DAOA: variants seen among roughly 807,000 people sequenced by gnomAD.
The protein encoded by DAOA is D-amino acid oxidase activator, also known as D-amino acid oxidase regulator.
In DAOA, 15 loss-of-function variants were observed where a neutral mutation model predicts 16.4. That is an observed-to-expected ratio of 0.91 (90% confidence interval 0.61 to 1.41). The LOEUF is 1.41. Among genes scored for constraint, DAOA ranks in the 40% most tolerant of loss-of-function variants. DAOA has a pLI of 0.00. For missense variants in DAOA, 230 were observed against 176.8 expected, an observed-to-expected ratio of 1.30 and a Z score of -1.71; for synonymous variants, 75 against 59.1, an observed-to-expected ratio of 1.27 and a Z score of -1.23.
At chr13:105,470,566 C>T (rs1462651315) in intron 3 of DAOA, among the ~76,000 whole-genome samples, 1 of 152,050 alleles carries the variant, frequency 6.6e-6, no homozygotes, top group Admixed American at 6.5e-5. Flanking sequence ...TAAAGCAGCT[C>T]ACCCATGTAC....
intron 4 of DAOA, among the ~76,000 whole-genome samples, chr13:105,482,016 A>C (rs934888413): frequency 6.6e-6 from 1 of 152,184 alleles, no homozygotes; most frequent in East Asian, 1.9e-4. Context: ...AAAGGGACTT[A>C]TATGGCAGCA....
intron 4 of DAOA, among the ~76,000 whole-genome samples, chr13:105,486,019 C>T (rs577346556): frequency 6.6e-6 from 1 of 152,308 alleles, no homozygotes; most frequent in Admixed American, 6.5e-5. Flanking sequence ...ACAAGAGCCA[C>T]TTCAGCTCCT....
intron 3 of DAOA, among the ~76,000 whole-genome samples, chr13:105,471,943 C>T (rs1273484856): frequency 6.6e-6 from 1 of 152,200 alleles, no homozygotes; most frequent in East Asian, 1.9e-4. Context: ...TTCCCACATT[C>T]ACTATCACAC....
intron 4 of DAOA, among the ~76,000 whole-genome samples, chr13:105,487,160 T>G (rs1039967757): frequency 2.0e-5 from 3 of 152,144 alleles, no homozygotes; most frequent in African/African-American, 7.2e-5. Flanking sequence ...CAGCTGGTTT[T>G]GAAAATACCC....
intron 4 of DAOA, among the ~76,000 whole-genome samples, chr13:105,487,124 G>A (rs1251949793): frequency 6.6e-6 from 1 of 152,176 alleles, no homozygotes; most frequent in African/African-American, 2.4e-5. Context: ...AAAGCCAGCA[G>A]AGGGTAGAGA....
At chr13:105,490,681 A>G (rs1335050861) in intron 5 of DAOA, 2 of 152,108 alleles carry the variant, frequency 1.3e-5, no homozygotes, top group Non-Finnish European at 2.9e-5. Context: ...TTCCTCTGGA[A>G]ATATGTATTT....
At chr13:105,465,924 T>C (rs1232873624), upstream of DAOA, 1 of 181,510 alleles carries the variant, frequency 5.5e-6, no homozygotes, top group Non-Finnish European at 1.1e-5. Context: ...CTCACAATAA[T>C]TTAATATTTT....
At chr13:105,467,197 C>T (rs1203300983) in intron 3 of DAOA, 56 bp downstream of exon 3, 75 of 1,496,266 alleles carry the variant, frequency 5.0e-5, no homozygotes, top group Non-Finnish European at 6.7e-5. Context: ...TTAGATAAAA[C>T]TGTGGTAAAG....
rs72549479 is a variant in DAOA at position 105,472,693 on chromosome 13, T to C, written c.281+8T>C. On this transcript the variant is annotated splice_region_variant and intron_variant, in intron 4 of 5. Transcript: ENST00000375936. Reference sequence around the variant, plus strand: ...TCCTCAGCCCTATGCAGAGTATGTATCTTCTTCATTTTAAACTTTTAACCA... The same window carrying C: ...TCCTCAGCCCTATGCAGAGTATGTACCTTCTTCATTTTAAACTTTTAACCA... The C allele has an allele frequency of 6.8e-4, 1,088 of 1,591,120 alleles. 10 individuals carry two copies. The African/African-American group carries it at 0.013, about 19-fold the overall frequency.
intron 3 of DAOA, among the ~76,000 whole-genome samples, chr13:105,468,732 G>A (rs779158450): frequency 2.0e-5 from 3 of 152,208 alleles, no homozygotes; most frequent in African/African-American, 2.4e-5. Flanking sequence ...ACAAAGCTAA[G>A]AATGTTGGAA....
rs190918886 is a variant in DAOA, at chr13:105,480,950, A to G, written c.281+8265A>G. 7.9e-5 allele frequency among the ~76,000 whole-genome samples: 12 copies of G among 152,306 alleles called. No individual in the cohort carries two copies. The South Asian group carries it at 1.7e-3, about 21-fold the overall frequency. On this transcript the variant is annotated intron_variant, in intron 4 of 5. Coordinates refer to ENST00000375936, the MANE Select transcript of DAOA (RefSeq NM_172370.5). ...ACGCAGATGCCAAAGTCTTCTGGAAACATCCTCGCAGAAACACCAAAAATG... is the reference window on the plus strand; with the variant it reads ...ACGCAGATGCCAAAGTCTTCTGGAAGCATCCTCGCAGAAACACCAAAAATG...
chr13:105,488,259 C>T (rs1400025693), intron 4 of DAOA, among the ~76,000 whole-genome samples: 3 of 152,292 alleles, frequency 2.0e-5, no homozygotes, highest in African/African-American at 7.2e-5. Context: ...AACATGAAAA[C>T]ATTCTCCTCA....
At chr13:105,475,254 G>A (rs1296814268) in intron 4 of DAOA, among the ~76,000 whole-genome samples, 1 of 152,110 alleles carries the variant, frequency 6.6e-6, no homozygotes, top group East Asian at 1.9e-4. Context: ...GCCTTGGAGG[G>A]CACTATCAGC....
chr13:105,472,342 C>G lies in DAOA; in HGVS notation c.134-196C>G, dbSNP rs745669758. 1.9e-4 allele frequency among the ~76,000 whole-genome samples: 29 copies of G among 152,110 alleles called. 1 individual carries two copies. The highest frequency in any genetic ancestry group is 1.8e-3 in the Admixed American group (27 of 15,268). On this transcript the variant is annotated intron_variant, in intron 3 of 5. Coordinates refer to ENST00000375936, the MANE Select transcript of DAOA (RefSeq NM_172370.5). Reference sequence around the variant, plus strand: ...GCCACCCTTCGTTTGGGCTTAATCTCAAAACACAGATGTATATTTCAATCA... The same window carrying G: ...GCCACCCTTCGTTTGGGCTTAATCTGAAAACACAGATGTATATTTCAATCA...
At chr13:105,476,332 A>G (rs1877326609) in intron 4 of DAOA, among the ~76,000 whole-genome samples, 2 of 152,068 alleles carry the variant, frequency 1.3e-5, no homozygotes, top group African/African-American at 4.8e-5. Flanking sequence ...TCATTTCCAA[A>G]TGTCTATGTT....
intron 3 of DAOA, among the ~76,000 whole-genome samples, chr13:105,470,113 G>A (rs1876824631): frequency 8.4e-6 from 1 of 119,504 alleles, no homozygotes; most frequent in Non-Finnish European, 1.8e-5. Context: ...CTTGCTCATT[G>A]GAATTTTTTT....
chr13:105,487,843 C>A (rs1891117), intron 4 of DAOA, among the ~76,000 whole-genome samples: 2,556 of 152,254 alleles, frequency 0.017, 70 homozygotes, highest in African/African-American at 0.058. Flanking sequence ...TTTATTTCAA[C>A]ATTTCTGATA....
At position 105,484,970 on chromosome 13, in the gene DAOA, C is replaced by T. The variant is rs538383562; in HGVS notation, c.282-4931C>T. 7.9e-5 allele frequency among the ~76,000 whole-genome samples: 12 copies of T among 152,134 alleles called. No homozygotes were observed. The East Asian group carries it at 2.1e-3, about 27-fold the overall frequency. On this transcript the variant is annotated intron_variant, in intron 4 of 5. Transcript: ENST00000375936. Reference sequence around the variant, plus strand: ...GCCTGATGTTTTTTGTCTCTAAAACCATCGTTTCAAATGTCCTGTCTGTTT... The same window carrying T: ...GCCTGATGTTTTTTGTCTCTAAAACTATCGTTTCAAATGTCCTGTCTGTTT...
At chr13:105,478,490 A>C (rs1346306137) in intron 4 of DAOA, among the ~76,000 whole-genome samples, 3 of 152,220 alleles carry the variant, frequency 2.0e-5, no homozygotes, top group African/African-American at 7.2e-5. Context: ...AATTCCAAAG[A>C]GAAAGGGCAC....
Sources: gnomAD v4.1 joint callset for allele counts (sites outside exome capture counted in the v4.1 genomes callset) on GRCh38, gnomAD v4.1.1 for gene constraint, MANE v1.5 for transcripts, NCBI Gene and HGNC (gene_info 2026-07-23, HGNC 2026-07-21) for gene names.